Variants in PDSS2 observed in about 807,000 individuals in gnomAD.
PDSS2 encodes the protein all trans-polyprenyl-diphosphate synthase PDSS2.
PDSS2 carries 31 observed loss-of-function variants against 44.5 expected under a neutral mutation model. The observed-to-expected ratio is 0.70, with a 90% CI of 0.52 to 0.94. PDSS2 has a LOEUF of 0.94. Among genes scored for constraint, PDSS2 ranks in the 40% least tolerant of loss-of-function variants. The pLI is 0.00. For missense variants in PDSS2, 452 were observed against 482.2 expected (o/e 0.94, Z 0.59); for synonymous variants, 157 against 180.3 (o/e 0.87, Z 1.03).
At chr6:107,336,828 GTGTGTGTGT>G (rs1777910622) in intron 1 of PDSS2, among the ~76,000 whole-genome samples, 1 of 724 alleles carries the variant, frequency 1.4e-3, no homozygotes, top group Non-Finnish European at 7.2e-3. Flanking sequence ...GGTGTGTGGT[GTGTGTGTGT>G]GTGTGTGTGT....
intron 3 of PDSS2, among the ~76,000 whole-genome samples, chr6:107,249,265 A>T (rs892867677): frequency 6.6e-6 from 1 of 152,218 alleles, no homozygotes; most frequent in African/African-American, 2.4e-5. Context: ...TGCTATATTC[A>T]GTACAAGCCT....
At chr6:107,325,921 A>C (rs1490611387) in intron 2 of PDSS2, among the ~76,000 whole-genome samples, 2 of 152,110 alleles carry the variant, frequency 1.3e-5, no homozygotes, top group African/African-American at 4.8e-5. Context: ...CTTTTCATTT[A>C]TAGTGTCAAG....
chr6:107,167,529 G>A (rs1554247757), intron 7 of PDSS2, among the ~76,000 whole-genome samples: 1 of 152,104 alleles, frequency 6.6e-6, no homozygotes, highest in African/African-American at 2.4e-5. Flanking sequence ...GCTTTTGAAT[G>A]TGTTTGCTCT....
At chr6:107,335,142 CG>C (rs1777844434) in intron 1 of PDSS2, among the ~76,000 whole-genome samples, 1 of 129,138 alleles carries the variant, frequency 7.7e-6, no homozygotes, top group Non-Finnish European at 1.6e-5. Flanking sequence ...GATGGGGAGA[CG>C]GATTGAGACT....
chr6:107,268,495 G>T (rs1433374054), intron 3 of PDSS2, among the ~76,000 whole-genome samples: 1 of 151,832 alleles, frequency 6.6e-6, no homozygotes, highest in Non-Finnish European at 1.5e-5. Flanking sequence ...AATTTCAAAA[G>T]AAATAAAAAT....
intron 2 of PDSS2, among the ~76,000 whole-genome samples, chr6:107,292,317 A>G (rs182357746): frequency 5.3e-4 from 81 of 152,294 alleles, no homozygotes; most frequent in Admixed American, 3.4e-3. Flanking sequence ...TAATTTTAAA[A>G]TAATCACAGC....
chr6:107,259,473 G>T lies in PDSS2; in HGVS notation c.631-13854C>A, dbSNP rs565070384. On this transcript the variant is annotated intron_variant, in intron 3 of 7. Coordinates refer to ENST00000369037, the MANE Select transcript of PDSS2 (RefSeq NM_020381.4). ...AGGTCAGGAGTTCAAGACCAGCCTG[G>T]CCAACATGGTGAAACCCCACTTCTA... Among the ~76,000 whole-genome samples, 8 of 152,080 alleles carry T rather than the reference G, an allele frequency of 5.3e-5. No homozygotes were observed. The South Asian group carries it at 1.7e-3, about 32-fold the overall frequency.
At chr6:107,228,496 C>G (rs191957037) in intron 4 of PDSS2, among the ~76,000 whole-genome samples, 111 of 152,216 alleles carry the variant, frequency 7.3e-4, no homozygotes, top group Non-Finnish European at 1.1e-3. Flanking sequence ...GAGTTCGAGA[C>G]CAGCCTGGCC....
At chr6:107,245,163 A>T (rs1029897527) in intron 4 of PDSS2, among the ~76,000 whole-genome samples, 4 of 152,160 alleles carry the variant, frequency 2.6e-5, no homozygotes, top group African/African-American at 9.7e-5. Flanking sequence ...CTTAGGCTCA[A>T]GGTCCACTCC....
chr6:107,289,982 G>T (rs943419327), intron 2 of PDSS2, among the ~76,000 whole-genome samples: 1 of 152,078 alleles, frequency 6.6e-6, no homozygotes, highest in African/African-American at 2.4e-5. Context: ...TAGAGACAGG[G>T]TTTCACTTTG....
intron 4 of PDSS2, among the ~76,000 whole-genome samples, chr6:107,242,529 C>T (rs1774474857): frequency 6.6e-6 from 1 of 151,648 alleles, no homozygotes. Context: ...CAGGCGTGAG[C>T]CACCACGCCT....
chr6:107,331,682 T>A (rs1441247671), intron 2 of PDSS2, among the ~76,000 whole-genome samples: 2 of 152,200 alleles, frequency 1.3e-5, no homozygotes, highest in African/African-American at 4.8e-5. Context: ...ATCCCAACTC[T>A]ATCACTTTCT....
intron 1 of PDSS2, among the ~76,000 whole-genome samples, chr6:107,338,790 T>G (rs560040235): frequency 6.6e-6 from 1 of 152,036 alleles, no homozygotes; most frequent in Non-Finnish European, 1.5e-5. Context: ...ACACAGTACG[T>G]AAAGGAAGAA....
At chr6:107,220,267 G>A (rs142903420) in intron 4 of PDSS2, among the ~76,000 whole-genome samples, 1 of 152,128 alleles carries the variant, frequency 6.6e-6, no homozygotes, top group Admixed American at 6.6e-5. Flanking sequence ...AAAAGCTAAT[G>A]AGCATAATAT....
At chr6:107,161,991 C>T (rs1554246786) in intron 7 of PDSS2, among the ~76,000 whole-genome samples, 1 of 152,062 alleles carries the variant, frequency 6.6e-6, no homozygotes, top group African/African-American at 2.4e-5. Flanking sequence ...TATAAATACT[C>T]CCATTATGGC....
At chr6:107,400,271 C>G (rs1583036590) in intron 1 of PDSS2, among the ~76,000 whole-genome samples, 1 of 152,118 alleles carries the variant, frequency 6.6e-6, no homozygotes, top group South Asian at 2.1e-4. Flanking sequence ...AATTAGGGGA[C>G]ACATGGATGC....
At chr6:107,172,352 G>T (rs1207514822) in intron 7 of PDSS2, among the ~76,000 whole-genome samples, 1 of 152,114 alleles carries the variant, frequency 6.6e-6, no homozygotes, top group African/African-American at 2.4e-5. Flanking sequence ...AGGAGAAGTG[G>T]AGGCAGCAGC....
intron 3 of PDSS2, among the ~76,000 whole-genome samples, chr6:107,258,054 C>T (rs1233907322): frequency 6.6e-6 from 1 of 152,176 alleles, no homozygotes; most frequent in Non-Finnish European, 1.5e-5. Flanking sequence ...TGAATTATCA[C>T]TTTGCTCAAT....
At chr6:107,412,429 G>A (rs1181199614) in intron 1 of PDSS2, among the ~76,000 whole-genome samples, 3 of 151,192 alleles carry the variant, frequency 2.0e-5, no homozygotes, top group African/African-American at 2.4e-5. Flanking sequence ...TAGTAGAGAC[G>A]AGGTTTCATC....
Sources: allele counts gnomAD v4.1 joint callset (sites outside exome capture counted in the v4.1 genomes callset), GRCh38; gene constraint gnomAD v4.1.1; transcripts MANE v1.5; gene names NCBI Gene and HGNC (gene_info 2026-07-23, HGNC 2026-07-21).